SYT9: variants seen among roughly 807,000 people sequenced by gnomAD.
SYT9 encodes the protein synaptotagmin 9, also known as synaptotagmin-9.
A neutral mutation model predicts 48.4 loss-of-function variants in SYT9; 22 were observed. The ratio of observed to expected loss-of-function variants is 0.45; its 90% CI spans 0.32 to 0.65. The LOEUF is 0.65. SYT9 is among the 30% of genes least tolerant of loss of function. The pLI, the probability that SYT9 is intolerant of heterozygous loss-of-function variation, is 0.03. For missense variants in SYT9, 577 were observed against 622.0 expected, an observed-to-expected ratio of 0.93 and a Z score of 0.77; for synonymous variants, 265 against 245.0, an observed-to-expected ratio of 1.08 and a Z score of -0.76.
chr11:7,342,388 G>A (rs1001996054), intron 3 of SYT9, among the ~76,000 whole-genome samples: 5 of 152,126 alleles, frequency 3.3e-5, no homozygotes, highest in East Asian at 1.9e-4. Context: ...ATAAATACAC[G>A]CATTCCAAAT....
intron 3 of SYT9, among the ~76,000 whole-genome samples, chr11:7,362,550 A>G (rs931290026): frequency 1.3e-5 from 2 of 152,232 alleles, no homozygotes; most frequent in Admixed American, 6.5e-5. Context: ...CCCAAACCCA[A>G]TTGAAATTCC....
At chr11:7,376,509 C>A (rs906840471) in intron 3 of SYT9, among the ~76,000 whole-genome samples, 24 of 152,048 alleles carry the variant, frequency 1.6e-4, no homozygotes, top group African/African-American at 5.6e-4. Context: ...CAGATTCCTA[C>A]ACACCATAGA....
intron 3 of SYT9, among the ~76,000 whole-genome samples, chr11:7,414,617 G>A (rs1389384530): frequency 6.7e-6 from 1 of 149,892 alleles, no homozygotes; most frequent in Non-Finnish European, 1.5e-5. Context: ...GGTCCCTTGA[G>A]GTCATGGCTC....
At chr11:7,458,893 C>A (rs1347834553) in intron 6 of SYT9, among the ~76,000 whole-genome samples, 2 of 152,190 alleles carry the variant, frequency 1.3e-5, no homozygotes, top group Non-Finnish European at 2.9e-5. Flanking sequence ...GTGACATGAT[C>A]CAAAGTTATC....
At chr11:7,298,881 C>A (rs180906963) in intron 1 of SYT9, among the ~76,000 whole-genome samples, 1 of 152,128 alleles carries the variant, frequency 6.6e-6, no homozygotes, top group South Asian at 2.1e-4. Context: ...GAATACACTC[C>A]ATGCAGCTCT....
chr11:7,468,211 G>T lies in SYT9; in HGVS notation c.*1411G>T. 3 of 398,568 alleles carry T rather than the reference G, an allele frequency of 7.5e-6. No individual in the cohort carries two copies. Among genetic ancestry groups the T allele is most frequent in the Non-Finnish European group, 1.3e-5 (3 of 226,028 alleles). The allele number at this position is 398,568 out of a possible 1,614,324, so 24.7% of individuals were successfully genotyped here. ...CCTTCCTGGAAAGCTCATTATCTCT[G>T]TTTGAATTAACATTTCAGCATGGAA... On this transcript the variant is annotated 3_prime_UTR_variant, in exon 7 of 7. Coordinates refer to ENST00000318881, the MANE Select transcript of SYT9 (RefSeq NM_175733.4).
intron 6 of SYT9, among the ~76,000 whole-genome samples, chr11:7,456,328 T>C (rs1291455002): frequency 2.0e-5 from 3 of 152,222 alleles, no homozygotes; most frequent in Non-Finnish European, 2.9e-5. Context: ...GGCTGGTCAG[T>C]GTGTAAGTAC....
At chr11:7,259,876 A>G (rs773803910) in intron 1 of SYT9, among the ~76,000 whole-genome samples, 2 of 152,066 alleles carry the variant, frequency 1.3e-5, no homozygotes, top group Non-Finnish European at 2.9e-5. Flanking sequence ...TGTCTTTTGA[A>G]ATTTCAGGGG....
At chr11:7,294,065 C>T (rs1040130223) in intron 1 of SYT9, among the ~76,000 whole-genome samples, 1 of 152,152 alleles carries the variant, frequency 6.6e-6, no homozygotes, top group African/African-American at 2.4e-5. Flanking sequence ...AAAACCAAGG[C>T]ACCAGCATAT....
chr11:7,344,747 ATTCTT>A (rs1801034967), intron 3 of SYT9, among the ~76,000 whole-genome samples: 2 of 152,160 alleles, frequency 1.3e-5, no homozygotes, highest in Admixed American at 1.3e-4. Flanking sequence ...TGGACTCTCT[ATTCTT>A]TTCCATCGCT....
At chr11:7,329,380 CT>C (rs993887417) in intron 3 of SYT9, among the ~76,000 whole-genome samples, 6 of 152,072 alleles carry the variant, frequency 3.9e-5, no homozygotes, top group Admixed American at 1.3e-4. Context: ...ACTCTTAAAA[CT>C]TTGTTCATTT....
At chr11:7,433,670 G>A (rs1157512431) in intron 6 of SYT9, among the ~76,000 whole-genome samples, 1 of 152,170 alleles carries the variant, frequency 6.6e-6, no homozygotes, top group Non-Finnish European at 1.5e-5. Context: ...CCTTATAAAA[G>A]AGGCCCAAGG....
chr11:7,247,389 T>C (rs907748331), upstream of SYT9, among the ~76,000 whole-genome samples: 6 of 151,716 alleles, frequency 4.0e-5, no homozygotes, highest in Non-Finnish European at 8.8e-5. Flanking sequence ...CTTAGAATAA[T>C]AGCCTCCAGT....
chr11:7,371,076 C>T lies in SYT9; in HGVS notation c.1045-44966C>T, dbSNP rs577651710. Among the ~76,000 whole-genome samples the T allele has an allele frequency of 2.0e-5, 3 of 152,174 alleles. No individual in the cohort carries two copies. In the South Asian group the frequency reaches 6.2e-4, roughly 32 times the overall value. On this transcript the variant is annotated intron_variant, in intron 3 of 6. Transcript: ENST00000318881. ...TGTTTTTCCATTGATCTTCACTTTT[C>T]TGATAGCAGTAGGCTGATATTATCA...
At chr11:7,277,656 T>C (rs551697301) in intron 1 of SYT9, among the ~76,000 whole-genome samples, 1 of 152,350 alleles carries the variant, frequency 6.6e-6, no homozygotes, top group East Asian at 1.9e-4. Flanking sequence ...TGAATAGTTC[T>C]TCAGGATTAG....
chr11:7,385,354 G>A (rs145169429), intron 3 of SYT9, among the ~76,000 whole-genome samples: 1 of 150,146 alleles, frequency 6.7e-6, no homozygotes, highest in African/African-American at 2.5e-5. Flanking sequence ...GTGTGTGTGT[G>A]TGTGTGTGTG....
intron 3 of SYT9, among the ~76,000 whole-genome samples, chr11:7,325,435 A>C (rs1849414977): frequency 7.8e-6 from 1 of 128,660 alleles, no homozygotes. Context: ...GTGTATAGGA[A>C]TGCTTGTGAT....
intron 1 of SYT9, among the ~76,000 whole-genome samples, chr11:7,297,085 T>A (rs56164571): frequency 0.27 from 26,967 of 98,598 alleles, 2,897 homozygotes; most frequent in South Asian, 0.37. Flanking sequence ...TGTGTGTGTG[T>A]GAGAGAGAGA....
In SYT9 at chr11:7,289,567, G is replaced by C. The variant is rs148340075; in HGVS notation, c.146-13472G>C. 2.7e-3 allele frequency among the ~76,000 whole-genome samples: 411 copies of C among 152,300 alleles called. 2 individuals carry two copies. The highest frequency in any genetic ancestry group is 9.1e-3 in the African/African-American group (379 of 41,560). Reference sequence around the variant, plus strand: ...AAGTGAAGATTACAGAAATGTCTTAGGAAAAACAACACTGCCTGCTCATAG... The same window carrying C: ...AAGTGAAGATTACAGAAATGTCTTACGAAAAACAACACTGCCTGCTCATAG... On this transcript the variant is annotated intron_variant, in intron 1 of 6. Transcript: ENST00000318881.
Sources: gnomAD v4.1 joint callset for allele counts (sites outside exome capture counted in the v4.1 genomes callset) on GRCh38, gnomAD v4.1.1 for gene constraint, MANE v1.5 for transcripts, NCBI Gene and HGNC (gene_info 2026-07-23, HGNC 2026-07-21) for gene names.